The following KCNH3 variants were observed in gnomAD, a reference collection of about 807,000 sequenced individuals.
The protein encoded by KCNH3 is voltage-gated inwardly rectifying potassium channel KCNH3.
Under a neutral mutation model 95.6 loss-of-function variants are expected in KCNH3, and 36 were observed. That is an observed-to-expected ratio of 0.38 (90% CI 0.29 to 0.50). The LOEUF (loss-of-function observed/expected upper bound fraction) is 0.50, where lower values mean the gene tolerates loss of function less well. Among genes scored for constraint, KCNH3 ranks in the 20% least tolerant of loss-of-function variants. The probability of loss-of-function intolerance (pLI) is 0.95; values close to 1 mark genes in which losing one functional copy is unlikely to be tolerated. For synonymous variants in KCNH3, 620 were observed against 646.3 expected, an observed-to-expected ratio of 0.96 and a Z score of 0.62; for missense variants, 1,030 against 1,484.1, an observed-to-expected ratio of 0.69 and a Z score of 5.03.
chr12:49,556,742 G>T, intron 13 of KCNH3: 1 of 683,478 alleles, frequency 1.5e-6, no homozygotes, highest in Non-Finnish European at 2.7e-6. Context: ...TCTGGCCCCA[G>T]CTTCCTGTCT....
At position 49,539,969 on chromosome 12, in the gene KCNH3, C is replaced by G. The variant is rs1937815830; in HGVS notation, c.76+477C>G. 6.6e-6 allele frequency among the ~76,000 whole-genome samples: 1 copy of G among 152,126 alleles called. No individual in the cohort carries two copies. Among genetic ancestry groups the G allele is most frequent in the African/African-American group, 2.4e-5 (1 of 41,422 alleles). On this transcript the variant is annotated intron_variant, in intron 1 of 14. Transcript: ENST00000257981. The surrounding 1 kb of genome is among the most constrained non-coding windows in gnomAD (Gnocchi z 6.7). ...GGGAGAGCACCGTGTGTCCAAGCCC[C>G]GTGTCTCATAGCCTGAACCCCCTAG...
In KCNH3 at chr12:49,557,831, C is replaced by T; in HGVS notation, c.3130C>T (p.Pro1044Ser). 6.3e-7 allele frequency: 1 copy of T among 1,599,558 alleles called. No individual in the cohort carries two copies. Among genetic ancestry groups the T allele is most frequent in the Non-Finnish European group, 8.5e-7 (1 of 1,170,652 alleles). The change falls in exon 15 of 15, where the codon CCC becomes TCC. Residue 1044 changes from proline to serine, a missense_variant. Physicochemically the swap from Pro to Ser is moderately conservative, Grantham distance 74. Coordinates refer to ENST00000257981, the MANE Select transcript of KCNH3 (RefSeq NM_012284.3). ...SQAEATSTGE[P>S]PPGSGGLALP... Reference sequence around the variant, plus strand: ...GGCTGAGGCTACCAGCACTGGAGAGCCCCCACCAGGGTCAGGGGGCCTGGC... The same window carrying T: ...GGCTGAGGCTACCAGCACTGGAGAGTCCCCACCAGGGTCAGGGGGCCTGGC...
rs1480085644 is a variant in KCNH3, at chr12:49,558,175, G to A, written c.*222G>A. 7 of 432,362 alleles carry A rather than the reference G, an allele frequency of 1.6e-5. No individual in the cohort carries two copies. Among genetic ancestry groups the A allele is most frequent in the Admixed American group, 8.0e-5 (2 of 24,964 alleles). The allele number at this position is 432,362 out of a possible 1,614,324, so 26.8% of individuals were successfully genotyped here. A position where few individuals can be genotyped will look rare whatever the true frequency, so the allele number is the denominator to read the frequency against. On this transcript the variant is annotated 3_prime_UTR_variant, in exon 15 of 15. Transcript: ENST00000257981. ...CCTCGGCCTGCTCCTCTGACCTCCCGGTCTCCCTCTGCAGGCTGGGGGCAG... is the reference window on the plus strand; with the variant it reads ...CCTCGGCCTGCTCCTCTGACCTCCCAGTCTCCCTCTGCAGGCTGGGGGCAG...
In KCNH3 at chr12:49,543,319, C is replaced by T. The variant is rs201066848; in HGVS notation, c.624C>T (p.Ala208=). 9.0e-5 allele frequency: 146 copies of T among 1,613,708 alleles called. No homozygotes were observed. The highest frequency in any genetic ancestry group is 3.3e-4 in the Middle Eastern group (2 of 6,084). ...EKPNLPEYKV[A]AIRKSPFILL... ...CAAACTTGCCTGAGTACAAAGTAGC[C>T]GCCATCCGGAAGTCGCCCTTCATCC... The change falls in exon 5 of 15, where the codon GCC becomes GCT. Residue 208 remains alanine (A), a synonymous_variant. Transcript: ENST00000257981.
At chr12:49,542,356 T>C (rs999518340) in intron 3 of KCNH3, among the ~76,000 whole-genome samples, 48 of 152,310 alleles carry the variant, frequency 3.2e-4, no homozygotes, top group African/African-American at 1.2e-3. Context: ...TGCTGTAAGT[T>C]CCCACACCTC....
chr12:49,549,880 C>T (rs150629203), intron 9 of KCNH3, among the ~76,000 whole-genome samples, 200 bp from the exon 10 acceptor site: 15 of 152,292 alleles, frequency 9.8e-5, no homozygotes, highest in African/African-American at 3.6e-4. Flanking sequence ...CTGCTCTGGG[C>T]GCTAAAGTGA....
rs1592495700 is a variant in KCNH3, at chr12:49,539,721, C to T, written c.76+229C>T. Reference sequence around the variant, plus strand: ...CAGGCGAGGCAACAGGGCCAGAAGTCCCTGGGTGTGGGTCCTGGGATGCTC... The same window carrying T: ...CAGGCGAGGCAACAGGGCCAGAAGTTCCTGGGTGTGGGTCCTGGGATGCTC... On this transcript the variant is annotated intron_variant, in intron 1 of 14. Coordinates refer to ENST00000257981, the MANE Select transcript of KCNH3 (RefSeq NM_012284.3). The surrounding 1 kb of genome is among the most constrained non-coding windows in gnomAD (Gnocchi z 6.7). Among the ~76,000 whole-genome samples the T allele has an allele frequency of 1.3e-5, 2 of 152,154 alleles. 1 individual carries two copies. Among genetic ancestry groups the T allele is most frequent in the East Asian group, 3.9e-4 (2 of 5,176 alleles).
intron 13 of KCNH3, chr12:49,556,711 T>C (rs1938466044): frequency 2.9e-6 from 2 of 692,278 alleles, no homozygotes; most frequent in Non-Finnish European, 5.3e-6. Flanking sequence ...GTCAGCTTTC[T>C]AGCAGTGTGA....
At chr12:49,556,177 C>T in intron 12 of KCNH3, 193 bp from the exon 13 acceptor site, 1 of 603,184 alleles carries the variant, frequency 1.7e-6, no homozygotes, top group Non-Finnish European at 3.0e-6. Flanking sequence ...GCATCTCATG[C>T]TGCTCAAGCT....
At position 49,539,577 on chromosome 12, in the gene KCNH3, C is replaced by A. The variant is rs1240562412; in HGVS notation, c.76+85C>A. The A allele has an allele frequency of 4.0e-6, 5 of 1,242,192 alleles. No individual in the cohort carries two copies. In the African/African-American group the frequency reaches 7.8e-5, roughly 19 times the overall value. The allele number at this position is 1,242,192 out of a possible 1,614,324, so 76.9% of individuals were successfully genotyped here. On this transcript the variant is annotated intron_variant, in intron 1 of 14. Coordinates refer to ENST00000257981, the MANE Select transcript of KCNH3 (RefSeq NM_012284.3). This position sits in a 1 kb window ranked among gnomAD's most constrained non-coding sequence, Gnocchi z 6.7. ...CTTCCCCGAACCCCCAGCAGCCCAG[C>A]TTGGCGCCAGCCTATTCTCACCCTC...
intron 10 of KCNH3, among the ~76,000 whole-genome samples, chr12:49,551,684 T>C (rs1233580794): frequency 6.7e-6 from 1 of 149,170 alleles, no homozygotes; most frequent in Non-Finnish European, 1.5e-5. Flanking sequence ...GTGACCGGTG[T>C]GGGTAGTCAA....
intron 8 of KCNH3, 106 bp downstream of exon 8, chr12:49,549,279 T>C: frequency 1.4e-6 from 2 of 1,470,166 alleles, no homozygotes; most frequent in Non-Finnish European, 1.8e-6. Flanking sequence ...TCTTCCGCTT[T>C]AGGTGGCCGC....
chr12:49,555,750 C>T lies in KCNH3; in HGVS notation c.2267C>T (p.Pro756Leu). 6.2e-7 allele frequency: 1 copy of T among 1,613,534 alleles called. No individual in the cohort carries two copies. Among genetic ancestry groups the T allele is most frequent in the Non-Finnish European group, 8.5e-7 (1 of 1,179,824 alleles). Residue 756 changes from proline (P) to leucine (L), a missense_variant, in exon 12 of 15, where the codon CCT (proline) becomes CTT (leucine). Physicochemically the swap from Pro to Leu is moderately conservative, Grantham distance 98. Around this residue, in one of 9 missense-constraint regions of KCNH3, gnomAD observed 464 missense variants for 493.2 expected, o/e 0.94. Transcript: ENST00000257981. ...GAGCCCTCCAGCCCCCTGCTGTCCC[C>T]TGGCTGCACCTCCTCATCCTCAGCT... ...ADEPSSPLLSPGCTSSSSAAK... is the reference protein window; with the variant it reads ...ADEPSSPLLSLGCTSSSSAAK...
At chr12:49,545,936 A>G (rs957320792) in intron 7 of KCNH3, among the ~76,000 whole-genome samples, 1 of 152,066 alleles carries the variant, frequency 6.6e-6, no homozygotes, top group African/African-American at 2.4e-5. Context: ...GGTGCCTGCT[A>G]TTCCCAGAGG....
chr12:49,544,255 G>GTACAGCGC lies in KCNH3; in HGVS notation c.1063_1070dup (p.Val358ThrfsTer6). 1.9e-6 allele frequency: 3 copies of GTACAGCGC among 1,605,320 alleles called. No homozygotes were observed. The highest frequency in any genetic ancestry group is 2.5e-6 in the Non-Finnish European group (3 of 1,177,602). The stretch of plus-strand genomic sequence containing the variant: ...TTCCGCGGCTGGACCGGTACTCGCA[G>GTACAGCGC]TACAGCGCCGTGGTGCTGACACTGC... On this transcript the variant is annotated frameshift_variant, in exon 7 of 15. Coordinates refer to ENST00000257981, the MANE Select transcript of KCNH3 (RefSeq NM_012284.3). LOFTEE classifies it high-confidence loss of function.
chr12:49,543,860 C>G, intron 5 of KCNH3, 55 bp from the exon 6 acceptor site: 1 of 1,564,516 alleles, frequency 6.4e-7, no homozygotes, highest in Non-Finnish European at 8.7e-7. Context: ...GGTGTCCAGG[C>G]AAGAGTGGCT....
At position 49,549,610 on chromosome 12, in the gene KCNH3, G is replaced by A; in HGVS notation, c.1638G>A (p.Trp546Ter). 1 of 1,611,482 alleles carries A rather than the reference G, an allele frequency of 6.2e-7. No homozygotes were observed. The highest frequency in any genetic ancestry group is 8.5e-7 in the Non-Finnish European group (1 of 1,180,000). The change falls in exon 9 of 15, where the codon TGG (tryptophan) becomes TGA (stop). Residue 546 changes from tryptophan (W) to a stop codon, truncating the protein, a stop_gained. Coordinates refer to ENST00000257981, the MANE Select transcript of KCNH3 (RefSeq NM_012284.3). LOFTEE classifies it high-confidence loss of function. ...QRMLEYFQAT[W>*]AVNNGIDTTE... ...TGCTGGAGTACTTCCAGGCCACCTG[G>A]GCGGTGAACAATGGCATCGACACCA...
intron 10 of KCNH3, among the ~76,000 whole-genome samples, chr12:49,550,868 A>G (rs1427088574): frequency 7.2e-5 from 11 of 152,178 alleles, no homozygotes; most frequent in East Asian, 3.9e-4. Context: ...CTGGGAAAAG[A>G]AGGAGGTGAA....
In KCNH3 at chr12:49,557,394, G is replaced by T; in HGVS notation, c.2693G>T (p.Gly898Val). The T allele has an allele frequency of 6.2e-7, 1 of 1,600,654 alleles. No homozygotes were observed. The highest frequency in any genetic ancestry group is 8.5e-7 in the Non-Finnish European group (1 of 1,171,260). The change falls in exon 15 of 15, where the codon GGA becomes GTA. Residue 898 changes from glycine to valine, a missense_variant. By Grantham distance (109) the Gly-to-Val change is moderately radical (BLOSUM62 -3). Around this residue, in one of 9 missense-constraint regions of KCNH3, gnomAD observed 464 missense variants for 493.2 expected, o/e 0.94. Coordinates refer to ENST00000257981, the MANE Select transcript of KCNH3 (RefSeq NM_012284.3). ...LSEQVLQMREGLQSLRQAVQL... is the reference protein window; with the variant it reads ...LSEQVLQMREVLQSLRQAVQL... Reference sequence around the variant, plus strand: ...GAGCAGGTGCTGCAGATGCGGGAAGGACTGCAGTCACTTCGCCAGGCTGTG... The same window carrying T: ...GAGCAGGTGCTGCAGATGCGGGAAGTACTGCAGTCACTTCGCCAGGCTGTG...
Sources: allele counts gnomAD v4.1 joint callset (sites outside exome capture counted in the v4.1 genomes callset), GRCh38; gene constraint gnomAD v4.1.1; regional missense constraint gnomAD v4.1.1; non-coding constraint Gnocchi (gnomAD v3.1); transcripts MANE v1.5; gene names NCBI Gene and HGNC (gene_info 2026-07-23, HGNC 2026-07-21).